TM2D1: variants seen among roughly 807,000 people sequenced by gnomAD.
TM2D1 encodes the protein TM2 domain-containing protein 1.
A neutral mutation model predicts 28.4 loss-of-function variants in TM2D1; 15 were observed. The ratio of observed to expected loss-of-function variants is 0.53; its 90% CI spans 0.35 to 0.81. The LOEUF (loss-of-function observed/expected upper bound fraction) is 0.81. Ranked by LOEUF, TM2D1 falls within the 40% of genes least tolerant of loss-of-function variation. TM2D1 has a pLI of 0.01. For synonymous variants in TM2D1, 93 were observed against 96.2 expected, an observed-to-expected ratio of 0.97 and a Z score of 0.20; for missense variants, 236 against 254.9, an observed-to-expected ratio of 0.93 and a Z score of 0.50.
chr1:61,684,610 T>C (rs1301960031), intron 5 of TM2D1, among the ~76,000 whole-genome samples: 70 of 152,186 alleles, frequency 4.6e-4, no homozygotes, highest in Admixed American at 4.6e-3. Flanking sequence ...TCCAATAACA[T>C]TTTACATCTT....
intron 2 of TM2D1, among the ~76,000 whole-genome samples, chr1:61,714,088 G>T (rs1644499547): frequency 6.9e-6 from 1 of 144,336 alleles, no homozygotes; most frequent in Admixed American, 6.9e-5. Context: ...GTAGAGACGG[G>T]GTTTCACCTT....
At chr1:61,686,046 A>G (rs558282236) in intron 5 of TM2D1, among the ~76,000 whole-genome samples, 11 of 152,278 alleles carry the variant, frequency 7.2e-5, no homozygotes, top group South Asian at 2.1e-4. Context: ...GTAAAGCACT[A>G]AACTGAAAGG....
intron 2 of TM2D1, among the ~76,000 whole-genome samples, chr1:61,713,068 G>C (rs1398000879): frequency 6.6e-6 from 1 of 152,016 alleles, no homozygotes; most frequent in African/African-American, 2.4e-5. Context: ...TACTTGGGAG[G>C]CTGAGGCAGG....
intron 2 of TM2D1, among the ~76,000 whole-genome samples, chr1:61,715,604 C>T (rs1282625616): frequency 9.2e-6 from 1 of 108,860 alleles, no homozygotes; most frequent in Non-Finnish European, 1.7e-5. Flanking sequence ...GCCGAGATGG[C>T]ACCACTGAAC....
chr1:61,683,395 CAT>C lies in TM2D1; in HGVS notation c.*19+20_*19+21del, dbSNP rs149969652. Reference sequence around the variant, plus strand: ...AATAATATACCACTATAAGATATTACATATATATATATATCACTTACTGTTTC... The same window carrying C: ...AATAATATACCACTATAAGATATTACATATATATATATCACTTACTGTTTC... On this transcript the variant is annotated intron_variant, in intron 6 of 6. Transcript: ENST00000606498. 0.015 allele frequency: 10,004 copies of C among 664,244 alleles called. No individual in the cohort carries two copies. Among genetic ancestry groups the C allele is most frequent in the South Asian group, 0.023 (802 of 34,278 alleles). 41.1% of individuals were successfully genotyped at this position (664,244 alleles called of 1,614,324 possible).
intron 2 of TM2D1, among the ~76,000 whole-genome samples, chr1:61,710,425 CAAAAA>C (rs1171048869): frequency 1.7e-5 from 1 of 58,228 alleles, no homozygotes; most frequent in African/African-American, 6.6e-5. Context: ...GACCCTGTCC[CAAAAA>C]AAAAAAAAAA....
At chr1:61,712,435 G>A (rs1434322516) in intron 2 of TM2D1, among the ~76,000 whole-genome samples, 4 of 152,012 alleles carry the variant, frequency 2.6e-5, no homozygotes, top group East Asian at 1.9e-4. Flanking sequence ...TATTGAAACC[G>A]AGTCTCACTC....
chr1:61,708,091 G>C (rs1378530891), intron 3 of TM2D1, among the ~76,000 whole-genome samples: 3 of 152,076 alleles, frequency 2.0e-5, no homozygotes, highest in African/African-American at 7.2e-5. Flanking sequence ...TTTAGAGACA[G>C]GGTCTCTACT....
intron 5 of TM2D1, among the ~76,000 whole-genome samples, chr1:61,691,932 A>AAAAAAAAATATATATATATATATAT: frequency 1.0e-4 from 8 of 76,388 alleles, no homozygotes; most frequent in African/African-American, 2.4e-4. Context: ...AAAAAAAAAA[A>AAAAAAAAATATATATATATATATAT]ATATATATAT....
intron 5 of TM2D1, among the ~76,000 whole-genome samples, chr1:61,684,361 A>C (rs954938228): frequency 9.9e-5 from 15 of 152,152 alleles, no homozygotes; most frequent in African/African-American, 7.2e-5. Flanking sequence ...CTACACTGGA[A>C]GCATCCTACC....
chr1:61,699,928 T>C, intron 4 of TM2D1: 1 of 365,010 alleles, frequency 2.7e-6, no homozygotes, highest in South Asian at 1.0e-4. Flanking sequence ...ATATCTACCA[T>C]CAACCCCACA....
intron 2 of TM2D1, among the ~76,000 whole-genome samples, chr1:61,721,138 G>A (rs1479213008): frequency 6.6e-6 from 1 of 152,126 alleles, no homozygotes; most frequent in African/African-American, 2.4e-5. Context: ...GGCTGAGGTG[G>A]GAGGATCTCC....
intron 5 of TM2D1, chr1:61,694,109 T>C (rs1280754417): frequency 6.6e-6 from 1 of 152,260 alleles, no homozygotes; most frequent in Admixed American, 6.5e-5. Context: ...ATATCTGTTC[T>C]ACATTCTCAG....
Position 61,707,505 on chromosome 1 carries a change from G to C in TM2D1, c.347+1824C>G, listed in dbSNP as rs367924330. 2.2e-4 allele frequency among the ~76,000 whole-genome samples: 33 copies of C among 152,174 alleles called. No individual in the cohort carries two copies. In the South Asian group the frequency reaches 5.0e-3, roughly 23 times the overall value. ...CAGCATTTAATGTATTAGTTGTTTA[G>C]AATGTTTAAGGTAGAAATATCTATA... On this transcript the variant is annotated intron_variant, in intron 3 of 6. Transcript: ENST00000606498.
intron 3 of TM2D1, among the ~76,000 whole-genome samples, chr1:61,704,007 T>C (rs1025391204): frequency 6.6e-6 from 1 of 150,838 alleles, no homozygotes; most frequent in African/African-American, 2.4e-5. Flanking sequence ...CCACCCACCT[T>C]GGCCTCCTCA....
intron 5 of TM2D1, among the ~76,000 whole-genome samples, chr1:61,693,134 G>A (rs908617422): frequency 6.6e-6 from 1 of 152,092 alleles, no homozygotes. Flanking sequence ...CTACTTGGGA[G>A]GCTGAGGTGG....
chr1:61,708,983 T>G lies in TM2D1; in HGVS notation c.347+346A>C, dbSNP rs141776755. Among the ~76,000 whole-genome samples, 605 of 151,972 alleles carry G rather than the reference T, an allele frequency of 4.0e-3. 4 individuals carry two copies. The highest frequency in any genetic ancestry group is 6.6e-3 in the Non-Finnish European group (450 of 67,976). On this transcript the variant is annotated intron_variant, in intron 3 of 6. Transcript: ENST00000606498. Reference sequence around the variant, plus strand: ...AGTTCGAGACCAGCGCTGGGAAACATAGAGAGATCTCATCTCTACAAAATA... The same window carrying G: ...AGTTCGAGACCAGCGCTGGGAAACAGAGAGAGATCTCATCTCTACAAAATA...
At chr1:61,701,608 TG>T (rs1644402634) in intron 3 of TM2D1, among the ~76,000 whole-genome samples, 1 of 150,678 alleles carries the variant, frequency 6.6e-6, no homozygotes, top group Non-Finnish European at 1.5e-5. Context: ...TGCACTGCAT[TG>T]CATATTTGTA....
chr1:61,689,015 C>A (rs952388453), intron 5 of TM2D1, among the ~76,000 whole-genome samples: 7 of 152,186 alleles, frequency 4.6e-5, no homozygotes, highest in African/African-American at 1.7e-4. Flanking sequence ...CCAGCCTGGG[C>A]AACAGAGCAA....
Sources: gnomAD v4.1 joint callset for allele counts (sites outside exome capture counted in the v4.1 genomes callset) on GRCh38, gnomAD v4.1.1 for gene constraint, MANE v1.5 for transcripts, NCBI Gene and HGNC (gene_info 2026-07-23, HGNC 2026-07-21) for gene names.